ZMYND11: variants seen among roughly 807,000 people sequenced by gnomAD.
The protein encoded by ZMYND11 is zinc finger MYND domain-containing protein 11.
A neutral mutation model predicts 84.9 loss-of-function variants in ZMYND11; 9 were observed. That is an observed-to-expected ratio of 0.11 (90% CI 0.06 to 0.18). The LOEUF is 0.18. Among genes scored for constraint, ZMYND11 ranks in the 10% least tolerant of loss-of-function variants. The pLI, the probability that ZMYND11 is intolerant of heterozygous loss-of-function variation, is 1.00. For missense variants in ZMYND11, 409 were observed against 761.0 expected, an observed-to-expected ratio of 0.54 and a Z score of 5.44; for synonymous variants, 250 against 244.1, an observed-to-expected ratio of 1.02 and a Z score of -0.23.
rs1952289416 is a variant in ZMYND11 at position 246,993 on chromosome 10, G to C, written c.1158+20G>C. On this transcript the variant is annotated intron_variant, in intron 11 of 14. Coordinates refer to ENST00000381604, the MANE Select transcript of ZMYND11 (RefSeq NM_001370100.5). ...GAGCAGGTGAGTGTGTCTCCGGAAGGAAGTGCCTATTCATTATTACTTTTA... is the reference window on the plus strand; with the variant it reads ...GAGCAGGTGAGTGTGTCTCCGGAAGCAAGTGCCTATTCATTATTACTTTTA... 1 of 1,575,412 alleles carries C rather than the reference G, an allele frequency of 6.3e-7. No homozygotes were observed. Among genetic ancestry groups the C allele is most frequent in the Non-Finnish European group, 8.6e-7 (1 of 1,158,090 alleles).
intron 1 of ZMYND11, among the ~76,000 whole-genome samples, chr10:177,633 A>T (rs536643106): frequency 2.4e-4 from 37 of 152,244 alleles, no homozygotes; most frequent in African/African-American, 8.9e-4. Context: ...TTAAAATGTT[A>T]GCTTTGCTGT....
chr10:239,080 T>A (rs1033302319), intron 6 of ZMYND11, among the ~76,000 whole-genome samples: 3 of 152,206 alleles, frequency 2.0e-5, no homozygotes, highest in Non-Finnish European at 4.4e-5. Context: ...ATGACAGGTG[T>A]GTGCTTAGGG....
intron 14 of ZMYND11, among the ~76,000 whole-genome samples, chr10:250,717 C>T (rs1326771348): frequency 6.6e-6 from 1 of 151,938 alleles, no homozygotes; most frequent in South Asian, 2.1e-4. Flanking sequence ...TTTTTGTGCT[C>T]ATCACATTCT....
intron 2 of ZMYND11, among the ~76,000 whole-genome samples, chr10:196,745 T>G (rs1941841108): frequency 6.6e-6 from 1 of 152,226 alleles, no homozygotes; most frequent in Non-Finnish European, 1.5e-5. Context: ...TATAAAAATT[T>G]GAAACATCCT....
chr10:194,474 T>C (rs1425645643), intron 2 of ZMYND11, among the ~76,000 whole-genome samples: 2 of 152,208 alleles, frequency 1.3e-5, no homozygotes, highest in African/African-American at 4.8e-5. Flanking sequence ...GATAAGTGTA[T>C]GTTTAACTTT....
chr10:172,403 A>G (rs538608560), intron 1 of ZMYND11, among the ~76,000 whole-genome samples: 1 of 152,210 alleles, frequency 6.6e-6, no homozygotes, highest in Admixed American at 6.6e-5. Flanking sequence ...GTTGTAGCCA[A>G]GTTGCAGGAT....
intron 10 of ZMYND11, among the ~76,000 whole-genome samples, chr10:245,216 TAAC>T (rs1416505453): frequency 3.9e-5 from 6 of 152,356 alleles, no homozygotes; most frequent in Non-Finnish European, 7.3e-5. Context: ...GATATAATAT[TAAC>T]AATATATTCA....
chr10:190,684 A>C (rs1179489357), intron 2 of ZMYND11, among the ~76,000 whole-genome samples: 1 of 152,194 alleles, frequency 6.6e-6, no homozygotes, highest in Non-Finnish European at 1.5e-5. Flanking sequence ...TCTTCTTTTC[A>C]TACCCAGCGT....
chr10:169,776 C>T (rs1053149906), intron 1 of ZMYND11, among the ~76,000 whole-genome samples: 5 of 151,862 alleles, frequency 3.3e-5, no homozygotes, highest in African/African-American at 9.7e-5. Context: ...AAAAACCAAT[C>T]GACAACAGAA....
chr10:163,920 A>G (rs1202344346), intron 1 of ZMYND11, among the ~76,000 whole-genome samples: 1 of 152,114 alleles, frequency 6.6e-6, no homozygotes. Flanking sequence ...GTCAGTGTCT[A>G]AAGAGTCTTT....
intron 4 of ZMYND11, among the ~76,000 whole-genome samples, chr10:224,067 T>C (rs1426323582): frequency 6.6e-6 from 1 of 152,200 alleles, no homozygotes; most frequent in African/African-American, 2.4e-5. Flanking sequence ...AGCTAACCAT[T>C]ACTACCTAAA....
intron 4 of ZMYND11, among the ~76,000 whole-genome samples, chr10:222,036 T>C (rs1243293413): frequency 6.6e-6 from 1 of 152,206 alleles, no homozygotes; most frequent in Non-Finnish European, 1.5e-5. Context: ...TGGTGACTTA[T>C]TACATATGGC....
intron 1 of ZMYND11, among the ~76,000 whole-genome samples, chr10:153,356 A>G (rs1840885055): frequency 1.3e-5 from 2 of 152,186 alleles, no homozygotes; most frequent in Admixed American, 6.5e-5. Flanking sequence ...TGTTTCTTCA[A>G]TTTTTAAGTT....
chr10:243,400 A>G (rs1951446549), intron 10 of ZMYND11, among the ~76,000 whole-genome samples: 1 of 152,246 alleles, frequency 6.6e-6, no homozygotes. Flanking sequence ...TTATTTTTAT[A>G]GCCATACTAA....
At chr10:238,118 A>G (rs1053658461) in intron 6 of ZMYND11, among the ~76,000 whole-genome samples, 1 of 152,230 alleles carries the variant, frequency 6.6e-6, no homozygotes, top group African/African-American at 2.4e-5. Flanking sequence ...TGATTAGAAA[A>G]GTTAATTATT....
At chr10:156,156 T>A (rs1841667534) in intron 1 of ZMYND11, among the ~76,000 whole-genome samples, 1 of 152,206 alleles carries the variant, frequency 6.6e-6, no homozygotes, top group African/African-American at 2.4e-5. Context: ...GGGATGCTGC[T>A]GAACATCTGA....
Position 180,148 on chromosome 10 carries a change from A to G in ZMYND11, c.116+20A>G, listed in dbSNP as rs117043638. 4.3e-4 allele frequency: 683 copies of G among 1,585,826 alleles called. 5 individuals are homozygous for G. In the East Asian group the frequency reaches 0.012, roughly 28 times the overall value. On this transcript the variant is annotated intron_variant, in intron 2 of 14. Coordinates refer to ENST00000381604, the MANE Select transcript of ZMYND11 (RefSeq NM_001370100.5). ...TACAAAGTAAGTAAATTTAAACACA[A>G]ATATCTCTGTAAAATGTCGTAGAAG...
At chr10:162,005 T>C (rs563440828) in intron 1 of ZMYND11, among the ~76,000 whole-genome samples, 1 of 152,350 alleles carries the variant, frequency 6.6e-6, no homozygotes, top group East Asian at 1.9e-4. Context: ...GTCTTGGCTT[T>C]CGACATGCCT....
chr10:220,538 A>T (rs1184599664), intron 3 of ZMYND11, among the ~76,000 whole-genome samples: 1 of 152,216 alleles, frequency 6.6e-6, no homozygotes, highest in African/African-American at 2.4e-5. Flanking sequence ...GTCAGGAAAT[A>T]AGGCTACTTC....
Sources: gnomAD v4.1 joint callset for allele counts (sites outside exome capture counted in the v4.1 genomes callset) on GRCh38, gnomAD v4.1.1 for gene constraint, MANE v1.5 for transcripts, NCBI Gene and HGNC (gene_info 2026-07-23, HGNC 2026-07-21) for gene names.